The following CELF2 variants were observed in gnomAD, a reference collection of about 807,000 sequenced individuals.
The protein encoded by CELF2 is CUG triplet repeat RNA-binding protein 2.
Under a neutral mutation model 62.6 loss-of-function variants are expected in CELF2, and 8 were observed. That is an observed-to-expected ratio of 0.13 (90% CI 0.07 to 0.23). The LOEUF (loss-of-function observed/expected upper bound fraction) is 0.23, where lower values mean the gene tolerates loss of function less well. Among genes scored for constraint, CELF2 ranks in the 10% least tolerant of loss-of-function variants. The pLI, the probability that CELF2 is intolerant of heterozygous loss-of-function variation, is 1.00. For missense variants in CELF2, 333 were observed against 671.0 expected (o/e 0.50, Z 5.56); for synonymous variants, 258 against 250.0 (o/e 1.03, Z -0.30).
the CELF2 span, among the ~76,000 whole-genome samples, chr10:10,718,677 C>T: frequency 6.6e-6 from 1 of 150,974 alleles, no homozygotes; most frequent in African/African-American, 2.4e-5. Context: ...ACTGTGACGT[C>T]TCCTCCAGGA....
At chr10:10,567,649 AATGCTCAGGCGTCG>A in the CELF2 span, among the ~76,000 whole-genome samples, 5 of 152,248 alleles carry the variant, frequency 3.3e-5, no homozygotes, top group African/African-American at 1.2e-4. Context: ...AATCCCAGAA[AATGCTCAGGCGTCG>A]ATGCCTGAAT....
At chr10:10,718,581 G>A in the CELF2 span, among the ~76,000 whole-genome samples, 4,404 of 144,862 alleles carry the variant, frequency 0.03, 185 homozygotes, top group African/African-American at 0.096. Context: ...CCAAGATCGC[G>A]CCACTGCACT....
At chr10:10,767,427 C>A in the CELF2 span, among the ~76,000 whole-genome samples, 1,715 of 152,206 alleles carry the variant, frequency 0.011, 32 homozygotes, top group African/African-American at 0.039. Context: ...TACCAATGCT[C>A]TCAGCCTAAG....
chr10:11,025,997 G>A (rs1023077739), intron 1 of CELF2, among the ~76,000 whole-genome samples: 1 of 152,202 alleles, frequency 6.6e-6, no homozygotes, highest in Non-Finnish European at 1.5e-5. Flanking sequence ...GGATCTGGGG[G>A]CTTCTTCTGT....
In CELF2 at chr10:11,177,736, T is replaced by C. The variant is rs907336583; in HGVS notation, c.271+12054T>C. 6.6e-6 allele frequency among the ~76,000 whole-genome samples: 1 copy of C among 152,210 alleles called. No individual in the cohort carries two copies. The highest frequency in any genetic ancestry group is 2.4e-5 in the African/African-American group (1 of 41,444). ...TGTAATAAGGGACCATTTTGTCCTT[T>C]CTGTTCAGGATTCAACAATTGCTTG... On this transcript the variant is annotated intron_variant, in intron 2 of 12. Transcript: ENST00000633077. This position sits in a 1 kb window ranked among gnomAD's most constrained non-coding sequence, Gnocchi z 4.8.
intron 1 of CELF2, among the ~76,000 whole-genome samples, chr10:10,887,013 GCAGTTT>G (rs796521630): frequency 4.2e-4 from 64 of 152,300 alleles, no homozygotes; most frequent in African/African-American, 1.5e-3. Context: ...TCCTGAATTT[GCAGTTT>G]CAAATGGCTG....
At chr10:10,872,665 C>CA (rs1166223700) in intron 1 of CELF2, among the ~76,000 whole-genome samples, 9 of 122,844 alleles carry the variant, frequency 7.3e-5, no homozygotes, top group African/African-American at 2.6e-4. Flanking sequence ...AAAACAACAA[C>CA]AACAACAACA....
At chr10:11,277,386 C>T (rs1033839029) in intron 8 of CELF2, among the ~76,000 whole-genome samples, 7 of 152,176 alleles carry the variant, frequency 4.6e-5, no homozygotes, top group African/African-American at 9.7e-5. Context: ...GCCTCTCTCC[C>T]GAATTCCCCA....
intron 2 of CELF2, among the ~76,000 whole-genome samples, chr10:10,965,203 T>C (rs1188626343): frequency 6.6e-6 from 1 of 152,172 alleles, no homozygotes; most frequent in African/African-American, 2.4e-5. Flanking sequence ...TATAGCCCTC[T>C]CTCTTGAATA....
At chr10:10,747,678 T>A in the CELF2 span, among the ~76,000 whole-genome samples, 1 of 152,122 alleles carries the variant, frequency 6.6e-6, no homozygotes, top group Non-Finnish European at 1.5e-5. Context: ...GAGCACCTCA[T>A]AAGCCATGCT....
rs1431809710 is a variant in CELF2, at chr10:11,332,539, T to A, written c.*3486T>A. On this transcript the variant is annotated 3_prime_UTR_variant, in exon 13 of 13. Coordinates refer to ENST00000633077, the MANE Select transcript of CELF2 (RefSeq NM_001326342.2). ...CCTGCTGCCACTTTTTAAAGTGCCA[T>A]ATGACTTTCTACGAACAGGTACCTT... The A allele has an allele frequency of 6.6e-6, 1 of 152,388 alleles. No individual in the cohort carries two copies. The highest frequency in any genetic ancestry group is 2.1e-4 in the South Asian group (1 of 4,836). The allele number at this position is 152,388 out of a possible 1,614,324, so 9.4% of individuals were successfully genotyped here.
the CELF2 span, among the ~76,000 whole-genome samples, chr10:10,711,988 G>C: frequency 2.6e-5 from 4 of 151,998 alleles, no homozygotes; most frequent in Admixed American, 1.3e-4. Flanking sequence ...GGATGTGCAA[G>C]GAAGAAGCCG....
At position 10,809,175 on chromosome 10, in the gene CELF2, C is replaced by G. The variant is rs141206500; in HGVS notation, c.53+10358C>G. Among the ~76,000 whole-genome samples, 570 of 152,268 alleles carry G rather than the reference C, an allele frequency of 3.7e-3. 4 individuals carry two copies. The highest frequency in any genetic ancestry group is 0.013 in the African/African-American group (556 of 41,554). On this transcript the variant is annotated intron_variant, in intron 1 of 13. Transcript: ENST00000636488. ...ACTCGTGCTTGTGCATACTCTTTCT[C>G]TCTCTCTCTGCCTCCCTCTTTCTCT...
At chr10:11,170,277 G>A (rs948674014) in intron 2 of CELF2, among the ~76,000 whole-genome samples, 1 of 152,180 alleles carries the variant, frequency 6.6e-6, no homozygotes, top group Non-Finnish European at 1.5e-5. Context: ...ACAACACAAA[G>A]TTTCAGAAAT....
chr10:11,081,884 T>C (rs1160268757), intron 1 of CELF2, among the ~76,000 whole-genome samples: 1 of 152,204 alleles, frequency 6.6e-6, no homozygotes, highest in African/African-American at 2.4e-5. Context: ...GATGTCCCCA[T>C]TATATTGGTG....
intron 3 of CELF2, among the ~76,000 whole-genome samples, chr10:11,239,440 T>A (rs2072925664): frequency 6.6e-6 from 1 of 152,128 alleles, no homozygotes; most frequent in African/African-American, 2.4e-5. Context: ...TTCTCTCCAA[T>A]GTGTTCTCTT....
At chr10:10,889,260 C>A (rs934747559) in intron 1 of CELF2, among the ~76,000 whole-genome samples, 1 of 152,152 alleles carries the variant, frequency 6.6e-6, no homozygotes, top group African/African-American at 2.4e-5. Flanking sequence ...CCCAGTAATG[C>A]CATGTGATGG....
chr10:11,078,252 T>TGG (rs201439139), intron 1 of CELF2, among the ~76,000 whole-genome samples: 11 of 151,204 alleles, frequency 7.3e-5, no homozygotes, highest in Middle Eastern at 3.2e-3. Context: ...AAGGAAGTGG[T>TGG]GGGGGGCGGA....
At chr10:11,197,016 GAAA>G (rs1741752854) in intron 2 of CELF2, among the ~76,000 whole-genome samples, 1 of 12,164 alleles carries the variant, frequency 8.2e-5, no homozygotes, top group African/African-American at 4.0e-4. Context: ...AAGAAAGAAA[GAAA>G]GAAAGAAAAG....
Sources: allele counts gnomAD v4.1 joint callset (sites outside exome capture counted in the v4.1 genomes callset), GRCh38; gene constraint gnomAD v4.1.1; non-coding constraint Gnocchi (gnomAD v3.1); transcripts MANE v1.5; gene names NCBI Gene and HGNC (gene_info 2026-07-23, HGNC 2026-07-21).